The following SPTBN4 variants were observed in gnomAD, a reference collection of about 807,000 sequenced individuals.
SPTBN4 encodes the protein spectrin beta chain, non-erythrocytic 4.
SPTBN4 carries 96 observed loss-of-function variants against 277.8 expected under a neutral mutation model. The ratio of observed to expected loss-of-function variants is 0.35; its 90% CI spans 0.29 to 0.41. The LOEUF is 0.41. Ranked by LOEUF, SPTBN4 falls within the 10% of genes least tolerant of loss-of-function variation. The pLI, the probability that SPTBN4 is intolerant of heterozygous loss-of-function variation, is 1.00. For missense variants in SPTBN4, 3,006 were observed against 3,595.7 expected (o/e 0.84, Z 4.19); for synonymous variants, 1,481 against 1,580.3 (o/e 0.94, Z 1.49).
chr19:40,507,530 T>C (rs1479891218), intron 13 of SPTBN4, among the ~76,000 whole-genome samples: 4 of 150,374 alleles, frequency 2.7e-5, no homozygotes, highest in Non-Finnish European at 4.4e-5. Flanking sequence ...CCCATCTCTA[T>C]ATCAAAAAAG....
In SPTBN4 at chr19:40,572,326, C is replaced by G; in HGVS notation, c.7494-12C>G. 2 of 1,614,126 alleles carry G rather than the reference C, an allele frequency of 1.2e-6. No individual in the cohort carries two copies. Among genetic ancestry groups the G allele is most frequent in the South Asian group, 1.1e-5 (1 of 91,074 alleles). On this transcript the variant is annotated splice_polypyrimidine_tract_variant and intron_variant, in intron 34 of 35. Coordinates refer to ENST00000598249, the MANE Select transcript of SPTBN4 (RefSeq NM_020971.3). ...TCCCCAGATCTCTGAAGTCCTGTGT[C>G]CCTTCCTGCAGGACCCAGGATGGCA...
chr19:40,556,515 G>T (rs2080980784), intron 25 of SPTBN4, among the ~76,000 whole-genome samples: 1 of 151,662 alleles, frequency 6.6e-6, no homozygotes, highest in African/African-American at 2.4e-5. Context: ...GTTACTTATT[G>T]TTATTTTTAT....
intron 16 of SPTBN4, among the ~76,000 whole-genome samples, chr19:40,523,008 C>T (rs568608530): frequency 6.6e-6 from 1 of 152,162 alleles, no homozygotes; most frequent in East Asian, 1.9e-4. Flanking sequence ...GTGGTATGCA[C>T]CTGTAATCCC....
intron 27 of SPTBN4, among the ~76,000 whole-genome samples, chr19:40,562,529 CAA>C (rs35366889): frequency 0.019 from 1,061 of 55,716 alleles, 14 homozygotes; most frequent in African/African-American, 0.075. Context: ...GACTCTGTGT[CAA>C]AAAAAAAAAA....
Position 40,556,303 on chromosome 19 carries a change from T to C in SPTBN4, c.5289+15T>C. 1.2e-6 allele frequency: 2 copies of C among 1,602,412 alleles called. No homozygotes were observed. The highest frequency in any genetic ancestry group is 8.5e-7 in the Non-Finnish European group (1 of 1,172,824). On this transcript the variant is annotated intron_variant, in intron 25 of 35. Transcript: ENST00000598249. ...AGCATGTCTCGGTGAGCATCATTAG[T>C]AATAAGTGATACCAGGAGCTACCAC... is the stretch of plus-strand genomic sequence containing the variant.
chr19:40,557,275 G>A lies in SPTBN4; in HGVS notation c.5542G>A (p.Gly1848Arg), dbSNP rs775666628. The change falls in exon 26 of 36, where the codon GGA becomes AGA. Residue 1848 changes from glycine (G) to arginine (R), a missense_variant. By Grantham distance (125) the Gly-to-Arg change is moderately radical. Around this residue, in one of 5 missense-constraint regions of SPTBN4, gnomAD observed 425 missense variants for 594.7 expected, o/e 0.71. Coordinates refer to ENST00000598249, the MANE Select transcript of SPTBN4 (RefSeq NM_020971.3). ...CTTCAGTGACGCCCGAGAGCTTCAG[G>A]GACAGATTGAGGAGAAGCGGAGGCG... is the stretch of plus-strand genomic sequence containing the variant. ...KFFSDARELQGQIEEKRRRLP... is the reference protein window; with the variant it reads ...KFFSDARELQRQIEEKRRRLP... The A allele has an allele frequency of 2.5e-6, 4 of 1,613,626 alleles. No individual in the cohort carries two copies. Among genetic ancestry groups the A allele is most frequent in the East Asian group, 4.5e-5 (2 of 44,874 alleles).
At chr19:40,503,789 T>C in intron 11 of SPTBN4, 41 bp from the exon 12 acceptor site, 1 of 1,543,592 alleles carries the variant, frequency 6.5e-7, no homozygotes, top group Non-Finnish European at 8.8e-7. Context: ...ACAGGTGGAC[T>C]GCTGAGGCAG....
intron 7 of SPTBN4, among the ~76,000 whole-genome samples, chr19:40,498,599 G>T (rs1293253020): frequency 6.6e-6 from 1 of 151,468 alleles, no homozygotes; most frequent in Non-Finnish European, 1.5e-5. Flanking sequence ...TAGAGACGGG[G>T]TTTCACCGTG....
intron 17 of SPTBN4, among the ~76,000 whole-genome samples, chr19:40,524,800 C>T (rs1016248986): frequency 1.6e-4 from 24 of 152,348 alleles, no homozygotes; most frequent in Admixed American, 1.4e-3. Context: ...CTGCTTCTGT[C>T]GCCATCTGTC....
chr19:40,507,680 A>G (rs2080345669), intron 13 of SPTBN4, among the ~76,000 whole-genome samples: 1 of 152,108 alleles, frequency 6.6e-6, no homozygotes, highest in Non-Finnish European at 1.5e-5. Flanking sequence ...TAAAAATACA[A>G]AAAAATTAGC....
In SPTBN4 at chr19:40,498,002, G is replaced by A. The variant is rs111917271; in HGVS notation, c.784+398G>A. On this transcript the variant is annotated intron_variant, in intron 7 of 35. Coordinates refer to ENST00000598249, the MANE Select transcript of SPTBN4 (RefSeq NM_020971.3). ...CTCCAACGCCATCCCCACCCCTAAC[G>A]CCAACCCCATCTTCAAGTGTCTCCA... 4.0e-3 allele frequency among the ~76,000 whole-genome samples: 532 copies of A among 131,762 alleles called. 6 individuals carry two copies. Among genetic ancestry groups the A allele is most frequent in the African/African-American group, 0.015 (508 of 34,462 alleles). The allele number at this position is 131,762 out of a possible 152,430, so 86.4% of individuals were successfully genotyped here. A position where few individuals can be genotyped will look rare whatever the true frequency, so the allele number is the denominator to read the frequency against.
chr19:40,558,287 G>A (rs1347493028), intron 26 of SPTBN4, among the ~76,000 whole-genome samples: 2 of 151,840 alleles, frequency 1.3e-5, no homozygotes, highest in Non-Finnish European at 2.9e-5. Flanking sequence ...AACCCGGGAG[G>A]CGGAGGTTGC....
At chr19:40,499,768 T>G (rs1218242658) in intron 7 of SPTBN4, among the ~76,000 whole-genome samples, 1 of 151,870 alleles carries the variant, frequency 6.6e-6, no homozygotes, top group Admixed American at 6.6e-5. Flanking sequence ...ACACTGAAAA[T>G]CAGGAAACCA....
In SPTBN4 at chr19:40,513,467, G is replaced by A; in HGVS notation, c.2678G>A (p.Cys893Tyr). ...VYRMFGEVHA[C>Y]ELWIGEKEQW... Reference sequence around the variant, plus strand: ...CGCATGTTTGGCGAGGTGCACGCGTGTGAGCTGTGGATCGGCGAGAAGGAG... The same window carrying A: ...CGCATGTTTGGCGAGGTGCACGCGTATGAGCTGTGGATCGGCGAGAAGGAG... Residue 893 changes from cysteine to tyrosine, a missense_variant, in exon 14 of 36, where the codon TGT becomes TAT. By Grantham distance (194) the Cys-to-Tyr change is radical. Transcript: ENST00000598249. The A allele has an allele frequency of 6.2e-7, 1 of 1,603,120 alleles. No individual in the cohort carries two copies. The highest frequency in any genetic ancestry group is 1.1e-5 in the South Asian group (1 of 90,560).
At chr19:40,570,807 G>T (rs556912406) in intron 33 of SPTBN4, 79 bp downstream of exon 33, 4 of 1,468,402 alleles carry the variant, frequency 2.7e-6, no homozygotes, top group Non-Finnish European at 3.6e-6. Context: ...GACTGAGGAG[G>T]GGGTGTGGCT....
At chr19:40,520,617 G>T (rs924046991) in intron 16 of SPTBN4, among the ~76,000 whole-genome samples, 9 of 152,184 alleles carry the variant, frequency 5.9e-5, no homozygotes, top group African/African-American at 2.2e-4. Context: ...AGTGATTGTG[G>T]ATTACATGGT....
chr19:40,512,248 A>G (rs2080398914), intron 13 of SPTBN4, among the ~76,000 whole-genome samples: 2 of 152,258 alleles, frequency 1.3e-5, no homozygotes, highest in Non-Finnish European at 2.9e-5. Context: ...TCAACAAATC[A>G]CTACATTCAC....
chr19:40,569,076 G>A (rs2081124431), intron 31 of SPTBN4, among the ~76,000 whole-genome samples: 1 of 152,122 alleles, frequency 6.6e-6, no homozygotes, highest in Non-Finnish European at 1.5e-5. Flanking sequence ...GGACTGGAGA[G>A]TCAGGGGTGG....
rs749968648 is a variant in SPTBN4, at chr19:40,502,889, A to G, written c.1318A>G (p.Met440Val). ...LAQRFDHKVA[M>V]RESWLNENQR... ...ACAGAGGTTTGACCACAAGGTGGCT[A>G]TGAGGGAGAGCTGGCTGAATGAGAA... Residue 440 changes from methionine to valine, a missense_variant, in exon 11 of 36, where the codon ATG becomes GTG. Around this residue, in one of 5 missense-constraint regions of SPTBN4, gnomAD observed 1,759 missense variants for 2,061.5 expected, o/e 0.85. Coordinates refer to ENST00000598249, the MANE Select transcript of SPTBN4 (RefSeq NM_020971.3). The surrounding 1 kb of genome is among the most constrained non-coding windows in gnomAD (Gnocchi z 4.9). The G allele has an allele frequency of 6.2e-7, 1 of 1,613,780 alleles. No individual in the cohort carries two copies. The highest frequency in any genetic ancestry group is 2.2e-5 in the East Asian group (1 of 44,902).
Sources: allele counts gnomAD v4.1 joint callset (sites outside exome capture counted in the v4.1 genomes callset), GRCh38; gene constraint gnomAD v4.1.1; regional missense constraint gnomAD v4.1.1; non-coding constraint Gnocchi (gnomAD v3.1); transcripts MANE v1.5; gene names NCBI Gene and HGNC (gene_info 2026-07-23, HGNC 2026-07-21).